The following PYGM variants were observed in gnomAD, a reference collection of about 807,000 sequenced individuals.
PYGM encodes glycogen phosphorylase, muscle form.
Under a neutral mutation model 99.3 loss-of-function variants are expected in PYGM, and 81 were observed. The observed-to-expected ratio is 0.82, with a 90% confidence interval of 0.68 to 0.98. The LOEUF (loss-of-function observed/expected upper bound fraction) is 0.98. Ranked by LOEUF, PYGM falls within the 50% of genes least tolerant of loss-of-function variation. The pLI, the probability that PYGM is intolerant of heterozygous loss-of-function variation, is 0.00. For missense variants in PYGM, 1,030 were observed against 1,158.1 expected (o/e 0.89, Z 1.61); for synonymous variants, 436 against 451.5 (o/e 0.97, Z 0.44).
At chr11:64,752,625 C>T in intron 12 of PYGM, 121 bp from the exon 13 acceptor site, 2 of 1,010,152 alleles carry the variant, frequency 2.0e-6, no homozygotes, top group Non-Finnish European at 3.0e-6. Flanking sequence ...GGGGGCCCTC[C>T]CAGCCCCTCC....
At chr11:64,757,967 G>GA in intron 4 of PYGM, 57 bp from the exon 5 acceptor site, 2 of 1,606,928 alleles carry the variant, frequency 1.2e-6, no homozygotes, top group Non-Finnish European at 1.7e-6. Flanking sequence ...GGCACTCACA[G>GA]TGCACGGTGG....
In PYGM at chr11:64,747,317, C is replaced by G; in HGVS notation, c.2219G>C (p.Arg740Pro). The G allele has an allele frequency of 1.2e-6, 2 of 1,614,184 alleles. No homozygotes were observed. Among genetic ancestry groups the G allele is most frequent in the Non-Finnish European group, 1.7e-6 (2 of 1,180,034 alleles). Residue 740 changes from arginine (R) to proline (P), a missense_variant, in exon 18 of 20, where the codon CGG becomes CCG. Arg to Pro is a moderately radical substitution (Grantham distance 103). Coordinates refer to ENST00000164139, the MANE Select transcript of PYGM (RefSeq NM_005609.4). Reference sequence around the variant, plus strand: ...ACTGCTCAGCTGCTCAATGACCTGCCGAAGCTCAGGAATGCGATCGTAGTA... The same window carrying G: ...ACTGCTCAGCTGCTCAATGACCTGCGGAAGCTCAGGAATGCGATCGTAGTA... Reference protein sequence around the residue: ...QEYYDRIPELRQVIEQLSSGF... With the variant: ...QEYYDRIPELPQVIEQLSSGF...
Position 64,750,507 on chromosome 11 carries a change from G to C in PYGM, c.2046C>G (p.Phe682Leu), listed in dbSNP as rs1376064042. The change falls in exon 17 of 20, where the codon TTC (phenylalanine) becomes TTG (leucine). Residue 682 changes from phenylalanine (F) to leucine (L), a missense_variant. Phe to Leu is a conservative substitution (Grantham distance 22, BLOSUM62 0). Coordinates refer to ENST00000164139, the MANE Select transcript of PYGM (RefSeq NM_005609.4). ...TEASGTGNMK[F>L]MLNGALTIGT... ...CAATGGTCAGAGCCCCGTTGAGCAT[G>C]AACTTCATGTTGCCGGTGCCTGAGG... 6.2e-7 allele frequency: 1 copy of C among 1,614,214 alleles called. No individual in the cohort carries two copies. Among genetic ancestry groups the C allele is most frequent in the Admixed American group, 1.7e-5 (1 of 60,022 alleles).
In PYGM at chr11:64,747,312, C is replaced by T. The variant is rs1396989158; in HGVS notation, c.2224G>A (p.Val742Ile). Reference protein sequence around the residue: ...YYDRIPELRQVIEQLSSGFFS... With the variant: ...YYDRIPELRQIIEQLSSGFFS... Reference sequence around the variant, plus strand: ...AAGCCACTGCTCAGCTGCTCAATGACCTGCCGAAGCTCAGGAATGCGATCG... The same window carrying T: ...AAGCCACTGCTCAGCTGCTCAATGATCTGCCGAAGCTCAGGAATGCGATCG... The change falls in exon 18 of 20, where the codon GTC becomes ATC. Residue 742 changes from valine to isoleucine, a missense_variant. Physicochemically the swap from Val to Ile is conservative, Grantham distance 29 (BLOSUM62 3). Transcript: ENST00000164139. The T allele has an allele frequency of 6.2e-7, 1 of 1,614,210 alleles. No individual in the cohort carries two copies. Among genetic ancestry groups the T allele is most frequent in the South Asian group, 1.1e-5 (1 of 91,078 alleles).
chr11:64,754,221 A>T lies in PYGM; in HGVS notation c.1092+32T>A. The T allele has an allele frequency of 6.3e-7, 1 of 1,592,752 alleles. No individual in the cohort carries two copies. Among genetic ancestry groups the T allele is most frequent in the Non-Finnish European group, 8.6e-7 (1 of 1,160,986 alleles). ...GGAAGGGAACCCCGAGGCAGAGAGC[A>T]TCAGATGGGGCAGAGGGGCCCTGAA... On this transcript the variant is annotated intron_variant, in intron 9 of 19. Coordinates refer to ENST00000164139, the MANE Select transcript of PYGM (RefSeq NM_005609.4). This position sits in a 1 kb window ranked among gnomAD's most constrained non-coding sequence, Gnocchi z 5.5.
chr11:64,754,840 G>A lies in PYGM; in HGVS notation c.856-4C>T. ...GCAGCTCCTTCCCTTCGAAGAACTG[G>A]GGACAGCATGAGGCAGCGTGAGTCA... On this transcript the variant is annotated splice_polypyrimidine_tract_variant and splice_region_variant and intron_variant, in intron 7 of 19. Transcript: ENST00000164139. This position sits in a 1 kb window ranked among gnomAD's most constrained non-coding sequence, Gnocchi z 5.5. The A allele has an allele frequency of 2.5e-6, 4 of 1,613,664 alleles. No homozygotes were observed. The highest frequency in any genetic ancestry group is 3.4e-6 in the Non-Finnish European group (4 of 1,179,960).
intron 19 of PYGM, 44 bp from the exon 20 acceptor site, chr11:64,746,852 C>A (rs774353840): frequency 8.1e-6 from 13 of 1,614,154 alleles, no homozygotes; most frequent in Non-Finnish European, 1.1e-5. Flanking sequence ...CTGGCAGGAT[C>A]TCCACCTTCT....
At position 64,746,805 on chromosome 11, in the gene PYGM, G is replaced by A; in HGVS notation, c.2383C>T (p.Pro795Ser). ...ATCACCATCCGCGTCCACTCTCTTG[G>A]GTTCTGCAGGTCAAAGGGAAGCTCT... Reference protein sequence around the residue: ...QEKVSALYKNPREWTRMVIRN... With the variant: ...QEKVSALYKNSREWTRMVIRN... Residue 795 changes from proline to serine, a missense_variant, in exon 20 of 20, where the codon CCA (proline) becomes TCA (serine). By Grantham distance (74) the Pro-to-Ser change is moderately conservative (BLOSUM62 -1). Coordinates refer to ENST00000164139, the MANE Select transcript of PYGM (RefSeq NM_005609.4). 1 of 1,614,120 alleles carries A rather than the reference G, an allele frequency of 6.2e-7. No individual in the cohort carries two copies. Among genetic ancestry groups the A allele is most frequent in the Non-Finnish European group, 8.5e-7 (1 of 1,180,014 alleles).
rs114742918 is a variant in PYGM, at chr11:64,758,618, G to A, written c.330C>T (p.Asp110=). 4,495 of 1,613,452 alleles carry A rather than the reference G, an allele frequency of 2.8e-3. 15 individuals are homozygous for A. The highest frequency in any genetic ancestry group is 3.5e-3 in the Non-Finnish European group (4,132 of 1,179,448). The change falls in exon 2 of 20, where the codon GAC becomes GAT. Residue 110 remains aspartate, a synonymous_variant. Transcript: ENST00000164139. ...CCACACACACCTGGTAGGTGGCCTC[G>A]TCACAGGCATTCTCTAAGGCCAGGT... The part of the protein sequence containing the change: ...MVNLALENAC[D]EATYQLGLDM...
chr11:64,755,762 G>A lies in PYGM; in HGVS notation c.661-204C>T, dbSNP rs182700412. The stretch of plus-strand genomic sequence containing the variant: ...GCAAAGACACCCTCAACACCTCCCC[G>A]ACACCCATAAGCCCTGCCTGGGCAG... On this transcript the variant is annotated intron_variant, in intron 5 of 19. Coordinates refer to ENST00000164139, the MANE Select transcript of PYGM (RefSeq NM_005609.4). This position sits in a 1 kb window ranked among gnomAD's most constrained non-coding sequence, Gnocchi z 4.1. 2.0e-5 allele frequency among the ~76,000 whole-genome samples: 3 copies of A among 152,318 alleles called. No homozygotes were observed. Among genetic ancestry groups the A allele is most frequent in the South Asian group, 2.1e-4 (1 of 4,830 alleles).
chr11:64,746,553 G>A lies in PYGM; in HGVS notation c.*106C>T, dbSNP rs1372945268. 3 of 1,463,990 alleles carry A rather than the reference G, an allele frequency of 2.0e-6. No individual in the cohort carries two copies. Among genetic ancestry groups the A allele is most frequent in the Non-Finnish European group, 1.9e-6 (2 of 1,055,090 alleles). The allele number at this position is 1,463,990 out of a possible 1,614,324, so 90.7% of individuals were successfully genotyped here. A position where few individuals can be genotyped will look rare whatever the true frequency, so the allele number is the denominator to read the frequency against. ...TGGGGAAAATGAGGGTTCCAGGAGG[G>A]GCTTAGAGATCTAACTCCAGTACCC... is the stretch of plus-strand genomic sequence containing the variant. On this transcript the variant is annotated 3_prime_UTR_variant, in exon 20 of 20. Coordinates refer to ENST00000164139, the MANE Select transcript of PYGM (RefSeq NM_005609.4).
At chr11:64,747,061 C>A in intron 18 of PYGM, 74 bp from the exon 19 acceptor site, 1 of 1,582,456 alleles carries the variant, frequency 6.3e-7, no homozygotes, top group South Asian at 1.1e-5. Flanking sequence ...AAGGGCCAAG[C>A]CTGCCCTGTC....
chr11:64,747,122 G>C, intron 18 of PYGM, 102 bp downstream of exon 18: 1 of 1,575,120 alleles, frequency 6.3e-7, no homozygotes, highest in Non-Finnish European at 8.7e-7. Context: ...AAAGGCGCCT[G>C]GCTCCAACTA....
Position 64,754,131 on chromosome 11 carries a change from C to G in PYGM, c.1093-106G>C. On this transcript the variant is annotated intron_variant, in intron 9 of 19. Transcript: ENST00000164139. This position sits in a 1 kb window ranked among gnomAD's most constrained non-coding sequence, Gnocchi z 5.5. ...CCCACTGCAGTGCCAGGTTCCAGGA[C>G]GGTCCCTCTGGCCTCAGGCTCTGAT... 1.3e-6 allele frequency: 2 copies of G among 1,594,662 alleles called. No homozygotes were observed. The highest frequency in any genetic ancestry group is 1.7e-6 in the Non-Finnish European group (2 of 1,163,464).
chr11:64,753,878 C>T lies in PYGM; in HGVS notation c.1239+1G>A, dbSNP rs759657964. On this transcript the variant is annotated splice_donor_variant, in intron 10 of 19. Transcript: ENST00000164139. LOFTEE classifies it high-confidence loss of function. ...ACCATCCCCCAAGCCTCCGGACTCA[C>T]GTTGAGGAAGCGCTGGTTGATCTCG... is the stretch of plus-strand genomic sequence containing the variant. The T allele has an allele frequency of 1.1e-5, 18 of 1,571,894 alleles. No individual in the cohort carries two copies. The highest frequency in any genetic ancestry group is 1.4e-5 in the Non-Finnish European group (16 of 1,158,244).
rs750576348 is a variant in PYGM at position 64,755,326 on chromosome 11, A to G, written c.802T>C (p.Leu268=). 10 of 1,614,142 alleles carry G rather than the reference A, an allele frequency of 6.2e-6. No individual in the cohort carries two copies. Among genetic ancestry groups the G allele is most frequent in the African/African-American group, 1.3e-5 (1 of 75,054 alleles). Residue 268 remains leucine (L), a synonymous_variant, in exon 7 of 20, where the codon TTG becomes CTG. Coordinates refer to ENST00000164139, the MANE Select transcript of PYGM (RefSeq NM_005609.4). This position sits in a 1 kb window ranked among gnomAD's most constrained non-coding sequence, Gnocchi z 4.1. ...FNVGGYIQAV[L]DRNLAENISR... ...ATGTTCTCCGCCAGGTTTCGGTCCA[A>G]CACAGCCTGGATGTAGCCACCGACA... is the stretch of plus-strand genomic sequence containing the variant.
intron 5 of PYGM, among the ~76,000 whole-genome samples, chr11:64,757,401 G>C (rs2058400710): frequency 6.6e-6 from 1 of 152,196 alleles, no homozygotes; most frequent in Admixed American, 6.5e-5. Context: ...TGTGATGAGT[G>C]AATTCCTTTC....
At chr11:64,750,332 G>A in intron 17 of PYGM, 44 bp downstream of exon 17, 3 of 1,608,768 alleles carry the variant, frequency 1.9e-6, no homozygotes, top group Non-Finnish European at 2.6e-6. Context: ...CTCTCCAGCA[G>A]CCACACCTGG....
chr11:64,756,203 C>T (rs1049137525), intron 5 of PYGM, among the ~76,000 whole-genome samples: 1 of 152,186 alleles, frequency 6.6e-6, no homozygotes, highest in African/African-American at 2.4e-5. Context: ...AGGGAAGGGA[C>T]CCATCCCCGA....
Sources: gnomAD v4.1 joint callset for allele counts (sites outside exome capture counted in the v4.1 genomes callset) on GRCh38, gnomAD v4.1.1 for gene constraint, Gnocchi (gnomAD v3.1) non-coding constraint, MANE v1.5 for transcripts, NCBI Gene and HGNC (gene_info 2026-07-23, HGNC 2026-07-21) for gene names.